HORMAD2: variants seen among roughly 807,000 people sequenced by gnomAD.
The protein encoded by HORMAD2 is HORMA domain containing 2.
A neutral mutation model predicts 38.8 loss-of-function variants in HORMAD2; 45 were observed. That is an observed-to-expected ratio of 1.16 (90% CI 0.91 to 1.49). HORMAD2 has a LOEUF of 1.49. HORMAD2 is among the 40% of genes most tolerant of loss of function. The probability of loss-of-function intolerance (pLI) is 0.00; values close to 1 mark genes in which losing one functional copy is unlikely to be tolerated. For synonymous variants in HORMAD2, 126 were observed against 122.8 expected (o/e 1.03, Z -0.17); for missense variants, 338 against 367.0 (o/e 0.92, Z 0.65).
rs370742871 is a variant in HORMAD2, at chr22:30,149,790, C to T, written c.820-26273C>T. 1.6e-4 allele frequency among the ~76,000 whole-genome samples: 25 copies of T among 152,268 alleles called. No individual in the cohort carries two copies. The South Asian group carries it at 2.9e-3, about 18-fold the overall frequency. Reference sequence around the variant, plus strand: ...GAAATATTTCATGCCCTAAAAATATCATCCATCTATTCTTATATGAGATTA... The same window carrying T: ...GAAATATTTCATGCCCTAAAAATATTATCCATCTATTCTTATATGAGATTA... On this transcript the variant is annotated intron_variant, in intron 10 of 10. Coordinates refer to ENST00000336726, the MANE Select transcript of HORMAD2 (RefSeq NM_152510.4).
At chr22:30,113,678 C>T (rs1009238613) in intron 7 of HORMAD2, among the ~76,000 whole-genome samples, 24 of 152,274 alleles carry the variant, frequency 1.6e-4, no homozygotes, top group Middle Eastern at 3.4e-3. Flanking sequence ...CTCTCTTTGT[C>T]TTTCTCCTAG....
intron 10 of HORMAD2, among the ~76,000 whole-genome samples, chr22:30,159,071 A>G (rs1358719855): frequency 2.0e-5 from 3 of 152,218 alleles, no homozygotes; most frequent in Non-Finnish European, 4.4e-5. Flanking sequence ...ATGTTTTTCA[A>G]ATTGGTGGAC....
At position 30,118,000 on chromosome 22, in the gene HORMAD2, A is replaced by G. The variant is rs118083158; in HGVS notation, c.343-980A>G. Reference sequence around the variant, plus strand: ...CTTTTCTAATTTTTGTAATTTTCCTATTGCCATTATAGTCTTCCCTGAATT... The same window carrying G: ...CTTTTCTAATTTTTGTAATTTTCCTGTTGCCATTATAGTCTTCCCTGAATT... On this transcript the variant is annotated intron_variant, in intron 7 of 10. Transcript: ENST00000336726. Among the ~76,000 whole-genome samples, 116 of 152,114 alleles carry G rather than the reference A, an allele frequency of 7.6e-4. 2 individuals are homozygous for G. In the East Asian group the frequency reaches 0.017, roughly 23 times the overall value.
Position 30,104,408 on chromosome 22 carries a change from GGTT to G in HORMAD2, c.269_271del (p.Cys90del), listed in dbSNP as rs1921031618. 1 of 1,610,720 alleles carries G rather than the reference GGTT, an allele frequency of 6.2e-7. No individual in the cohort carries two copies. ...ACATTTATTTCTTGACAGGATTCAA[GGTT>G]GTTTTGATGCTTTGGAAAAGAGATA... is the stretch of plus-strand genomic sequence containing the variant. On this transcript the variant is annotated inframe_deletion, in exon 5 of 11. Transcript: ENST00000336726.
chr22:30,111,213 C>G (rs1395703886), intron 5 of HORMAD2, among the ~76,000 whole-genome samples: 5 of 150,804 alleles, frequency 3.3e-5, no homozygotes, highest in Admixed American at 1.3e-4. Context: ...AGGCTGGGCA[C>G]AGTGGCTCAT....
At chr22:30,089,992 G>A (rs964463610) in intron 1 of HORMAD2, among the ~76,000 whole-genome samples, 8 of 152,166 alleles carry the variant, frequency 5.3e-5, no homozygotes, top group African/African-American at 1.9e-4. Flanking sequence ...GTCCTTTTAT[G>A]TCTGGCTTTT....
the HORMAD2 span, among the ~76,000 whole-genome samples, chr22:30,189,871 G>A: frequency 1.3e-5 from 2 of 151,880 alleles, no homozygotes; most frequent in Non-Finnish European, 2.9e-5. Context: ...CATCTCCCAG[G>A]ACTCCCTGAG....
downstream of HORMAD2, among the ~76,000 whole-genome samples, chr22:30,180,825 C>T (rs1926665622): frequency 6.8e-6 from 1 of 146,456 alleles, no homozygotes; most frequent in Non-Finnish European, 1.5e-5. Flanking sequence ...CCTTCCTTTC[C>T]CCCCTTCCCT....
chr22:30,136,868 C>G, intron 10 of HORMAD2: 1 of 387,932 alleles, frequency 2.6e-6, no homozygotes, highest in Non-Finnish European at 4.8e-6. Flanking sequence ...ATAGGCAAGC[C>G]TTTTCTATGT....
At chr22:30,088,705 A>C (rs897121571) in intron 1 of HORMAD2, among the ~76,000 whole-genome samples, 2 of 151,384 alleles carry the variant, frequency 1.3e-5, no homozygotes, top group Non-Finnish European at 2.9e-5. Flanking sequence ...AAAATTAAAA[A>C]GTAAGTTTTA....
intron 10 of HORMAD2, among the ~76,000 whole-genome samples, chr22:30,155,578 T>G (rs1925018891): frequency 6.6e-6 from 1 of 152,084 alleles, no homozygotes; most frequent in South Asian, 2.1e-4. Context: ...GGATCCCTGG[T>G]TTTTCAGTGG....
chr22:30,153,146 T>C (rs1400360871), intron 10 of HORMAD2, among the ~76,000 whole-genome samples: 2 of 152,066 alleles, frequency 1.3e-5, no homozygotes, highest in African/African-American at 2.4e-5. Flanking sequence ...TCCTGCATTA[T>C]CCTCATTTAG....
At chr22:30,118,772 T>C (rs1922227587) in intron 7 of HORMAD2, among the ~76,000 whole-genome samples, 1 of 152,214 alleles carries the variant, frequency 6.6e-6, no homozygotes, top group South Asian at 2.1e-4. Flanking sequence ...GTATCTTTCA[T>C]CTAATTTATT....
the HORMAD2 span, among the ~76,000 whole-genome samples, chr22:30,193,525 G>A: frequency 6.6e-6 from 1 of 152,210 alleles, no homozygotes; most frequent in Admixed American, 6.5e-5. Context: ...ATTTCATGAA[G>A]TGGTCAGGGC....
upstream of HORMAD2, chr22:30,080,429 G>A (rs1430911096): frequency 6.6e-6 from 1 of 152,386 alleles, no homozygotes; most frequent in Admixed American, 6.5e-5. Context: ...ATGAGCCGAG[G>A]AGCGGGTTTG....
At chr22:30,107,924 A>G (rs181250400) in intron 5 of HORMAD2, among the ~76,000 whole-genome samples, 1 of 146,752 alleles carries the variant, frequency 6.8e-6, no homozygotes, top group African/African-American at 2.5e-5. Flanking sequence ...GCTGGAGTGC[A>G]GTGGTGTGAT....
the HORMAD2 span, among the ~76,000 whole-genome samples, chr22:30,205,673 T>G: frequency 9.2e-5 from 14 of 152,020 alleles, no homozygotes; most frequent in South Asian, 6.2e-4. Context: ...ATTTCCCCCT[T>G]TTGAGAAACG....
At chr22:30,128,331 A>T (rs1002504969) in intron 10 of HORMAD2, among the ~76,000 whole-genome samples, 1 of 151,974 alleles carries the variant, frequency 6.6e-6, no homozygotes, top group Non-Finnish European at 1.5e-5. Context: ...TCATTGATTT[A>T]TATATTTGTA....
chr22:30,157,304 A>G (rs892890544), intron 10 of HORMAD2, among the ~76,000 whole-genome samples: 1 of 152,224 alleles, frequency 6.6e-6, no homozygotes, highest in Non-Finnish European at 1.5e-5. Context: ...CAGGTCTCAC[A>G]TTGTGGACTA....
Sources: allele counts gnomAD v4.1 joint callset (sites outside exome capture counted in the v4.1 genomes callset), GRCh38; gene constraint gnomAD v4.1.1; transcripts MANE v1.5; gene names NCBI Gene and HGNC (gene_info 2026-07-23, HGNC 2026-07-21).